Variants in TAB3 observed in about 807,000 individuals in gnomAD.
TAB3 encodes TGF-beta activated kinase 1 (MAP3K7) binding protein 3, also known as TGF-beta-activated kinase 1 and MAP3K7-binding protein 3.
Under a neutral mutation model 48.1 loss-of-function variants are expected in TAB3, and 18 were observed. The ratio of observed to expected loss-of-function variants is 0.37; its 90% CI spans 0.26 to 0.55. The LOEUF is 0.55. TAB3 is among the 20% of genes least tolerant of loss of function. The pLI, the probability that TAB3 is intolerant of heterozygous loss-of-function variation, is 0.78. For missense variants in TAB3, 414 were observed against 549.8 expected, an observed-to-expected ratio of 0.75 and a Z score of 2.47; for synonymous variants, 185 against 190.2, an observed-to-expected ratio of 0.97 and a Z score of 0.22.
At chrX:30,875,153 A>C (rs762562015) in intron 1 of TAB3, among the ~76,000 whole-genome samples, 1 of 112,425 alleles carries the variant, frequency 8.9e-6, no homozygotes, top group Non-Finnish European at 1.9e-5. Context: ...AAAGCATAAT[A>C]TGATAAAACT....
At position 30,828,077 on chromosome X, in the gene TAB3, C is replaced by T. The variant is rs890861042; in HGVS notation, c.*3350G>A. 1.8e-5 allele frequency: 2 copies of T among 112,028 alleles called. No individual in the cohort carries two copies. Among genetic ancestry groups the T allele is most frequent in the Non-Finnish European group, 3.8e-5 (2 of 53,151 alleles). The allele number at this position is 112,028 out of a possible 1,213,427, so 9.2% of individuals were successfully genotyped here. On this transcript the variant is annotated 3_prime_UTR_variant, in exon 11 of 11. Transcript: ENST00000288422. The stretch of plus-strand genomic sequence containing the variant: ...ACAATGGTACAATATTAAAATAATT[C>T]AATTTTTAACTATAAAGGGACATCT...
At chrX:30,836,333 T>G (rs950585765) in intron 9 of TAB3, 2 of 111,837 alleles carry the variant, frequency 1.8e-5, no homozygotes, top group African/African-American at 6.5e-5. Flanking sequence ...CTTCCTAGTC[T>G]CTTTTTTATT....
intron 1 of TAB3, among the ~76,000 whole-genome samples, chrX:30,876,640 A>C (rs1939846996): frequency 9.0e-6 from 1 of 110,751 alleles, no homozygotes; most frequent in Non-Finnish European, 1.9e-5. Flanking sequence ...TGAGTAGCTG[A>C]GACTATAGGC....
intron 2 of TAB3, among the ~76,000 whole-genome samples, chrX:30,871,438 G>A (rs970080661): frequency 9.0e-6 from 1 of 111,562 alleles, no homozygotes; most frequent in Non-Finnish European, 1.9e-5. Flanking sequence ...CTATTTTCTG[G>A]TGAGGTTTCT....
intron 1 of TAB3, among the ~76,000 whole-genome samples, chrX:30,883,216 G>T (rs1702016468): frequency 8.9e-6 from 1 of 111,862 alleles, no homozygotes; most frequent in South Asian, 3.7e-4. Flanking sequence ...GGAAAGAGAA[G>T]AATCCTATTT....
At chrX:30,833,600 G>T (rs890018296) in intron 10 of TAB3, among the ~76,000 whole-genome samples, 7 of 110,386 alleles carry the variant, frequency 6.3e-5, no homozygotes, top group African/African-American at 2.3e-4. Context: ...GGGAGGCTGA[G>T]GCGGGTGGAT....
At chrX:30,874,032 T>C (rs1241259320) in intron 1 of TAB3, among the ~76,000 whole-genome samples, 1 of 110,924 alleles carries the variant, frequency 9.0e-6, no homozygotes. Flanking sequence ...AAAAAGTAGG[T>C]GTGGTGGTGC....
chrX:30,861,090 T>C (rs1020858050), intron 4 of TAB3, among the ~76,000 whole-genome samples: 2 of 111,791 alleles, frequency 1.8e-5, no homozygotes, highest in Admixed American at 9.5e-5. Context: ...CTTTCTCCTA[T>C]TTTTAGTCAG....
At chrX:30,862,451 A>G (rs1040262722) in intron 4 of TAB3, among the ~76,000 whole-genome samples, 3 of 111,676 alleles carry the variant, frequency 2.7e-5, no homozygotes, top group African/African-American at 9.8e-5. Context: ...TGTCTTTTTT[A>G]TGAGCTAGAA....
At chrX:30,870,268 T>C (rs1939626069) in intron 2 of TAB3, among the ~76,000 whole-genome samples, 1 of 112,658 alleles carries the variant, frequency 8.9e-6, no homozygotes, top group African/African-American at 3.2e-5. Context: ...TAAAAGATTT[T>C]TTTAAAAAAT....
chrX:30,837,041 CTTTTTTTTTTT>C (rs370702875), intron 9 of TAB3, among the ~76,000 whole-genome samples: 4 of 36,574 alleles, frequency 1.1e-4, no homozygotes, highest in African/African-American at 4.0e-4. Flanking sequence ...AAAATGACAT[CTTTTTTTTTTT>C]TTTTTTTTTT....
At chrX:30,864,982 G>A (rs1269824536) in intron 4 of TAB3, among the ~76,000 whole-genome samples, 1 of 111,768 alleles carries the variant, frequency 8.9e-6, no homozygotes, top group Admixed American at 9.5e-5. Context: ...CTCCGTAGCT[G>A]ATTCCAAACA....
chrX:30,888,733 T>C (rs937964694), intron 1 of TAB3, among the ~76,000 whole-genome samples: 4 of 112,805 alleles, frequency 3.5e-5, no homozygotes, highest in African/African-American at 1.3e-4. Flanking sequence ...CTAGTCCTCA[T>C]CCTCAAACAC....
rs1745262757 is a variant in TAB3, at chrX:30,827,922, C to G, written c.*3505G>C. 1 of 112,299 alleles carries G rather than the reference C, an allele frequency of 8.9e-6. No homozygotes were observed. Among genetic ancestry groups the G allele is most frequent in the Admixed American group, 9.5e-5 (1 of 10,550 alleles). The allele number at this position is 112,299 out of a possible 1,213,427, so 9.3% of individuals were successfully genotyped here. The stretch of plus-strand genomic sequence containing the variant: ...TACTGTTAATTCTTTCGAAAAGATA[C>G]AGTAGTGGTGCAACACAGACAGTGC... On this transcript the variant is annotated 3_prime_UTR_variant, in exon 11 of 11. Coordinates refer to ENST00000288422, the MANE Select transcript of TAB3 (RefSeq NM_152787.5).
rs1280596560 is a variant in TAB3, at chrX:30,829,381, A to G, written c.*2046T>C. The G allele has an allele frequency of 8.9e-6, 1 of 112,027 alleles. No individual in the cohort carries two copies. The highest frequency in any genetic ancestry group is 2.8e-4 in the East Asian group (1 of 3,599). 9.2% of individuals were successfully genotyped at this position (112,027 alleles called of 1,213,427 possible). A position where few individuals can be genotyped will look rare whatever the true frequency, so the allele number is the denominator to read the frequency against. On this transcript the variant is annotated 3_prime_UTR_variant, in exon 11 of 11. Transcript: ENST00000288422. ...AGCTAGGACACCAAGCAGTATATAT[A>G]TATATATTTCCCCTAAATTGTAACT...
At position 30,871,816 on chromosome X, in the gene TAB3, G is replaced by C. The variant is rs1304408602; in HGVS notation, c.-382-15C>G. The C allele has an allele frequency of 1.8e-5, 2 of 112,116 alleles. No individual in the cohort carries two copies. 9.2% of individuals were successfully genotyped at this position (112,116 alleles called of 1,213,427 possible). ...AAGACAGTGTCCTGAAAAATAAAAGGCTAATGAGGTAAGATTCAAACTGTG... is the reference window on the plus strand; with the variant it reads ...AAGACAGTGTCCTGAAAAATAAAAGCCTAATGAGGTAAGATTCAAACTGTG... On this transcript the variant is annotated splice_polypyrimidine_tract_variant and intron_variant, in intron 1 of 10. Coordinates refer to ENST00000288422, the MANE Select transcript of TAB3 (RefSeq NM_152787.5).
rs768858584 is a variant in TAB3 at position 30,827,913 on chromosome X, G to A, written c.*3514C>T. 1 of 112,158 alleles carries A rather than the reference G, an allele frequency of 8.9e-6. No individual in the cohort carries two copies. Among genetic ancestry groups the A allele is most frequent in the Non-Finnish European group, 1.9e-5 (1 of 53,131 alleles). The allele number at this position is 112,158 out of a possible 1,213,427, so 9.2% of individuals were successfully genotyped here. A position where few individuals can be genotyped will look rare whatever the true frequency, so the allele number is the denominator to read the frequency against. ...ATAGGCAAATACTGTTAATTCTTTC[G>A]AAAAGATACAGTAGTGGTGCAACAC... On this transcript the variant is annotated 3_prime_UTR_variant, in exon 11 of 11. Transcript: ENST00000288422.
chrX:30,851,655 C>T (rs933934017), intron 7 of TAB3, among the ~76,000 whole-genome samples: 6 of 112,027 alleles, frequency 5.4e-5, no homozygotes, highest in African/African-American at 1.9e-4. Flanking sequence ...CAAGTAGAAA[C>T]TTCTCTATGA....
intron 1 of TAB3, among the ~76,000 whole-genome samples, chrX:30,885,920 C>G (rs899145926): frequency 9.0e-6 from 1 of 111,306 alleles, no homozygotes; most frequent in Non-Finnish European, 1.9e-5. Flanking sequence ...TGTTAGCATC[C>G]ACCCTATCAA....
Sources: allele counts gnomAD v4.1 joint callset (sites outside exome capture counted in the v4.1 genomes callset), GRCh38; gene constraint gnomAD v4.1.1; transcripts MANE v1.5; gene names NCBI Gene and HGNC (gene_info 2026-07-23, HGNC 2026-07-21).